Variants in DENND2A observed in about 807,000 individuals in gnomAD.
DENND2A encodes DENN domain containing 2A.
In DENND2A, 53 loss-of-function variants were observed where a neutral mutation model predicts 105.3. The observed-to-expected ratio is 0.50, with a 90% CI of 0.40 to 0.63. The LOEUF is 0.63. Ranked by LOEUF, DENND2A falls within the 30% of genes least tolerant of loss-of-function variation. DENND2A has a pLI of 0.00. For missense variants in DENND2A, 1,138 were observed against 1,279.6 expected, an observed-to-expected ratio of 0.89 and a Z score of 1.69; for synonymous variants, 522 against 508.4, an observed-to-expected ratio of 1.03 and a Z score of -0.36.
In DENND2A at chr7:140,556,608, A is replaced by G. The variant is rs1162951035; in HGVS notation, c.1960-895T>C. ...GCCCACCTCAGCCTCCCAAAGTGCT[A>G]GGATTACTGGTGTGAGCCTGTGCCC... On this transcript the variant is annotated intron_variant, in intron 11 of 19. Transcript: ENST00000496613. Among the ~76,000 whole-genome samples, 3 of 152,314 alleles carry G rather than the reference A, an allele frequency of 2.0e-5. No homozygotes were observed. The East Asian group carries it at 5.8e-4, about 29-fold the overall frequency.
intron 8 of DENND2A, among the ~76,000 whole-genome samples, chr7:140,567,859 T>C (rs1479666025): frequency 6.6e-6 from 1 of 152,120 alleles, no homozygotes; most frequent in Non-Finnish European, 1.5e-5. Flanking sequence ...TAGAGGTGAG[T>C]CCGGGAGCAG....
rs6974314 is a variant in DENND2A, at chr7:140,599,337, A to T, written c.995+2066T>A. ...TGGGCGATACTCTGTCTCGAAAAAA[A>T]AATAATAATAATAATACATTATGAA... is the stretch of plus-strand genomic sequence containing the variant. On this transcript the variant is annotated intron_variant, in intron 3 of 19. Transcript: ENST00000496613. Among the ~76,000 whole-genome samples the T allele has an allele frequency of 5.4e-3, 828 of 152,194 alleles. 4 individuals carry two copies. Among genetic ancestry groups the T allele is most frequent in the East Asian group, 0.022 (116 of 5,186 alleles).
intron 11 of DENND2A, among the ~76,000 whole-genome samples, chr7:140,556,985 C>T (rs1454599101): frequency 1.3e-5 from 2 of 152,030 alleles, no homozygotes; most frequent in African/African-American, 2.4e-5. Context: ...TTTGAGTCTT[C>T]TCTCCTTAGC....
At chr7:140,522,918 A>G (rs902658927) in intron 17 of DENND2A, among the ~76,000 whole-genome samples, 1 of 147,798 alleles carries the variant, frequency 6.8e-6, no homozygotes, top group African/African-American at 2.5e-5. Context: ...ACAGTTTTTA[A>G]TTTTTGATTT....
intron 10 of DENND2A, among the ~76,000 whole-genome samples, chr7:140,558,557 A>T (rs1013454442): frequency 2.0e-5 from 3 of 152,110 alleles, no homozygotes; most frequent in African/African-American, 7.2e-5. Flanking sequence ...TTAGCCAGGC[A>T]TGGTGGCACA....
chr7:140,605,422 A>C (rs1252031346), intron 2 of DENND2A, among the ~76,000 whole-genome samples: 1 of 152,234 alleles, frequency 6.6e-6, no homozygotes, highest in African/African-American at 2.4e-5. Flanking sequence ...ACATCCTAGT[A>C]GTTAGAAAAA....
At chr7:140,573,060 C>T (rs1024745525) in intron 6 of DENND2A, among the ~76,000 whole-genome samples, 28 of 152,140 alleles carry the variant, frequency 1.8e-4, no homozygotes, top group African/African-American at 6.8e-4. Context: ...CCACAATTGC[C>T]GCTCTTTCTT....
intron 11 of DENND2A, 35 bp from the exon 12 acceptor site, chr7:140,555,748 T>C (rs768535539): frequency 1.4e-5 from 22 of 1,559,900 alleles, no homozygotes; most frequent in Non-Finnish European, 1.7e-5. Context: ...ATTATGAGTG[T>C]TGACAACCTC....
In DENND2A at chr7:140,607,928, G is replaced by C. The variant is rs115773876; in HGVS notation, c.-247-2122C>G. Among the ~76,000 whole-genome samples, 1,392 of 152,300 alleles carry C rather than the reference G, an allele frequency of 9.1e-3. 18 individuals are homozygous for C. The highest frequency in any genetic ancestry group is 0.031 in the African/African-American group (1,307 of 41,552). ...CACCGAAGGACTCAAAGATGAGTAA[G>C]AGTCTCTGCCGTCATCGAGAGCACC... On this transcript the variant is annotated intron_variant, in intron 1 of 19. Coordinates refer to ENST00000496613, the MANE Select transcript of DENND2A (RefSeq NM_015689.5).
At chr7:140,569,549 T>C (rs776310294) in intron 7 of DENND2A, 96 bp downstream of exon 7, 7 of 860,558 alleles carry the variant, frequency 8.1e-6, no homozygotes, top group Non-Finnish European at 1.4e-5. Context: ...CTTGTTCTCC[T>C]CCTTGGTGAG....
At chr7:140,620,511 C>A (rs1800247508) in intron 1 of DENND2A, among the ~76,000 whole-genome samples, 1 of 152,108 alleles carries the variant, frequency 6.6e-6, no homozygotes, top group Admixed American at 6.6e-5. Context: ...CAACCACCCC[C>A]CCACCAGATT....
chr7:140,540,355 A>T (rs1283342684), intron 14 of DENND2A, among the ~76,000 whole-genome samples: 1 of 152,202 alleles, frequency 6.6e-6, no homozygotes, highest in Non-Finnish European at 1.5e-5. Context: ...CATCTGACCC[A>T]CTCACGGCAT....
chr7:140,633,305 G>A (rs1192296403), intron 1 of DENND2A, among the ~76,000 whole-genome samples: 2 of 152,172 alleles, frequency 1.3e-5, no homozygotes, highest in African/African-American at 4.8e-5. Flanking sequence ...TGGGATTACA[G>A]GCGTGAGCCA....
At chr7:140,582,006 C>T (rs1359317152) in intron 5 of DENND2A, among the ~76,000 whole-genome samples, 3 of 151,628 alleles carry the variant, frequency 2.0e-5, no homozygotes, top group Non-Finnish European at 4.4e-5. Context: ...ACTCTTTTAC[C>T]CAGGCTGGAG....
In DENND2A at chr7:140,519,680, G is replaced by A. The variant is rs770835290; in HGVS notation, c.2950C>T (p.Leu984Phe). 2.5e-6 allele frequency: 4 copies of A among 1,614,014 alleles called. No homozygotes were observed. Among genetic ancestry groups the A allele is most frequent in the East Asian group, 4.5e-5 (2 of 44,880 alleles). Residue 984 changes from leucine to phenylalanine, a missense_variant, in exon 19 of 20, where the codon CTC (leucine) becomes TTC (phenylalanine). Around this residue, in one of 2 missense-constraint regions of DENND2A, gnomAD observed 627 missense variants for 779.8 expected, o/e 0.80. Transcript: ENST00000496613. ...EVRAQEYLET[L>F]PSGEHSGVNK... ...ACACCGCTGTGCTCTCCACTGGGGA[G>A]TGTTTCCAGATACTCTTGGGCTCGG...
At chr7:140,629,412 T>G (rs1030919935) in intron 1 of DENND2A, among the ~76,000 whole-genome samples, 18 of 151,944 alleles carry the variant, frequency 1.2e-4, no homozygotes, top group Admixed American at 1.3e-4. Flanking sequence ...AGGAGGCCAG[T>G]GCATGGAGTA....
intron 14 of DENND2A, among the ~76,000 whole-genome samples, chr7:140,533,148 T>C (rs1796326884): frequency 1.3e-5 from 2 of 152,056 alleles, no homozygotes; most frequent in Admixed American, 6.6e-5. Flanking sequence ...TGCACCACCA[T>C]GCCTGGCTAA....
chr7:140,544,548 C>G (rs556614466), intron 14 of DENND2A, 70 bp downstream of exon 14: 3 of 1,602,928 alleles, frequency 1.9e-6, no homozygotes, highest in Middle Eastern at 3.3e-4. Flanking sequence ...CGGTCACCTG[C>G]TCTACAGACT....
At chr7:140,604,638 T>C (rs1320990558) in intron 2 of DENND2A, among the ~76,000 whole-genome samples, 2 of 152,224 alleles carry the variant, frequency 1.3e-5, no homozygotes, top group Non-Finnish European at 1.5e-5. Flanking sequence ...CAATCCAGGT[T>C]AGTGTCTGCA....
Sources: allele counts gnomAD v4.1 joint callset (sites outside exome capture counted in the v4.1 genomes callset), GRCh38; gene constraint gnomAD v4.1.1; regional missense constraint gnomAD v4.1.1; transcripts MANE v1.5; gene names NCBI Gene and HGNC (gene_info 2026-07-23, HGNC 2026-07-21).